Variants in ZBTB20 observed in about 807,000 individuals in gnomAD.
ZBTB20 encodes the protein zinc finger and BTB domain-containing protein 20.
A neutral mutation model predicts 56.9 loss-of-function variants in ZBTB20; 9 were observed. The observed-to-expected ratio is 0.16, with a 90% CI of 0.10 to 0.28. The LOEUF is 0.28. Among genes scored for constraint, ZBTB20 ranks in the 10% least tolerant of loss-of-function variants. The probability of loss-of-function intolerance (pLI) is 1.00; values close to 1 mark genes in which losing one functional copy is unlikely to be tolerated. For synonymous variants in ZBTB20, 417 were observed against 420.7 expected (o/e 0.99, Z 0.11); for missense variants, 655 against 1,003.0 (o/e 0.65, Z 4.69).
rs140325524 is a variant in ZBTB20, at chr3:114,701,626, G to C, written c.-342-8051C>G. ...GTTAAAGAGCTGTTAGCTAACCTGC[G>C]TAAGGAAACAGAGCTAATTTAAAAA... On this transcript the variant is annotated intron_variant, in intron 5 of 11. Coordinates refer to ENST00000675478, the MANE Select transcript of ZBTB20 (RefSeq NM_001348800.3). 5.3e-5 allele frequency among the ~76,000 whole-genome samples: 8 copies of C among 152,238 alleles called. 1 individual carries two copies. The South Asian group carries it at 1.7e-3, about 32-fold the overall frequency.
At chr3:115,129,442 T>C (rs1338679914) in intron 1 of ZBTB20, among the ~76,000 whole-genome samples, 1 of 152,220 alleles carries the variant, frequency 6.6e-6, no homozygotes, top group Admixed American at 6.5e-5. Context: ...TAGACTTTTA[T>C]AGTGGTGTTA....
chr3:114,544,471 TTCTTTC>T (rs1177153985), intron 6 of ZBTB20, among the ~76,000 whole-genome samples: 1 of 122,546 alleles, frequency 8.2e-6, no homozygotes, highest in Non-Finnish European at 1.8e-5. Flanking sequence ...CTTTCTTTCT[TTCTTTC>T]TTTTTCTTTC....
At chr3:114,456,770 A>T (rs1012574653) in intron 7 of ZBTB20, among the ~76,000 whole-genome samples, 6 of 152,224 alleles carry the variant, frequency 3.9e-5, no homozygotes, top group Non-Finnish European at 8.8e-5. Flanking sequence ...GAACAGTGCC[A>T]TCAGATGTTA....
rs1041573032 is a variant in ZBTB20, at chr3:114,898,206, T to G, written c.-417+2098A>C. ...GGGAGGGAGAAGCATAAGCCAGTGC[T>G]CAGGAAAGACGAGGCATTAACCATA... On this transcript the variant is annotated intron_variant, in intron 4 of 11. Coordinates refer to ENST00000675478, the MANE Select transcript of ZBTB20 (RefSeq NM_001348800.3). Among the ~76,000 whole-genome samples the G allele has an allele frequency of 2.0e-5, 3 of 152,234 alleles. No individual in the cohort carries two copies. In the East Asian group the frequency reaches 5.8e-4, roughly 29 times the overall value.
At chr3:115,117,506 A>G (rs1018248567) in intron 1 of ZBTB20, among the ~76,000 whole-genome samples, 1 of 152,142 alleles carries the variant, frequency 6.6e-6, no homozygotes, top group African/African-American at 2.4e-5. Flanking sequence ...TCTGAAATCA[A>G]GTTTGCCTAG....
intron 2 of ZBTB20, among the ~76,000 whole-genome samples, chr3:115,015,247 G>T (rs2079899423): frequency 1.3e-5 from 2 of 151,744 alleles, no homozygotes; most frequent in Non-Finnish European, 2.9e-5. Flanking sequence ...CACAAATAAA[G>T]AAACATATTG....
chr3:114,428,105 T>C (rs970274109), intron 7 of ZBTB20, among the ~76,000 whole-genome samples: 1 of 152,170 alleles, frequency 6.6e-6, no homozygotes, highest in Non-Finnish European at 1.5e-5. Flanking sequence ...AGGGCACAAT[T>C]TGGGGCCTTT....
At chr3:115,099,629 AT>A (rs1211733572) in intron 1 of ZBTB20, among the ~76,000 whole-genome samples, 2 of 152,202 alleles carry the variant, frequency 1.3e-5, no homozygotes, top group Admixed American at 6.5e-5. Flanking sequence ...GGCAAAAAGT[AT>A]TCAACCTGCT....
intron 1 of ZBTB20, among the ~76,000 whole-genome samples, chr3:115,142,903 C>T (rs1007346518): frequency 2.0e-5 from 3 of 151,942 alleles, no homozygotes; most frequent in Non-Finnish European, 4.4e-5. Context: ...CCCTCCACGG[C>T]ACAGGATGGG....
intron 1 of ZBTB20, among the ~76,000 whole-genome samples, chr3:115,133,263 A>G (rs1033335273): frequency 1.3e-5 from 2 of 152,180 alleles, no homozygotes; most frequent in African/African-American, 2.4e-5. Flanking sequence ...CAAGGGTTTT[A>G]AATTTGTCAC....
intron 6 of ZBTB20, among the ~76,000 whole-genome samples, chr3:114,669,603 G>T (rs2061249522): frequency 6.6e-6 from 1 of 151,208 alleles, no homozygotes; most frequent in Non-Finnish European, 1.5e-5. Context: ...TTCTGAAATG[G>T]TTTATAAAAG....
At chr3:114,809,458 C>A (rs1276674761) in intron 4 of ZBTB20, among the ~76,000 whole-genome samples, 1 of 151,978 alleles carries the variant, frequency 6.6e-6, no homozygotes, top group Non-Finnish European at 1.5e-5. Flanking sequence ...TGTTGAGATT[C>A]TCTTGCAATT....
chr3:114,663,304 G>A (rs1472571023), intron 6 of ZBTB20, among the ~76,000 whole-genome samples: 2 of 151,202 alleles, frequency 1.3e-5, no homozygotes, highest in Admixed American at 6.6e-5. Context: ...CATAAGTGAA[G>A]GAGAAATAAA....
chr3:114,381,598 T>C (rs1432174519), intron 8 of ZBTB20, among the ~76,000 whole-genome samples: 3 of 152,242 alleles, frequency 2.0e-5, no homozygotes, highest in Admixed American at 1.3e-4. Flanking sequence ...TAGAAGACTA[T>C]GTGTGGTACA....
chr3:114,934,018 G>A (rs965576469), intron 3 of ZBTB20, among the ~76,000 whole-genome samples: 2 of 152,074 alleles, frequency 1.3e-5, no homozygotes, highest in African/African-American at 4.8e-5. Context: ...AAGGGTCAAG[G>A]TAAATGCAGC....
rs1326245713 is a variant in ZBTB20 at position 114,878,393 on chromosome 3, G to T, written c.-417+21911C>A. On this transcript the variant is annotated intron_variant, in intron 4 of 11. Coordinates refer to ENST00000675478, the MANE Select transcript of ZBTB20 (RefSeq NM_001348800.3). ...CTTTGGGTCTTTATCATATGAACCA[G>T]CTCTTCAAAAAGAAATGGTTTTCAG... 2.0e-5 allele frequency among the ~76,000 whole-genome samples: 3 copies of T among 152,182 alleles called. No homozygotes were observed. In the East Asian group the frequency reaches 5.8e-4, roughly 29 times the overall value.
At chr3:114,486,401 G>C (rs1285807307) in intron 7 of ZBTB20, among the ~76,000 whole-genome samples, 1 of 152,108 alleles carries the variant, frequency 6.6e-6, no homozygotes, top group African/African-American at 2.4e-5. Flanking sequence ...CCTGTCAACA[G>C]ATAGTGCATG....
At chr3:115,130,468 T>C (rs2084471883) in intron 1 of ZBTB20, among the ~76,000 whole-genome samples, 2 of 152,146 alleles carry the variant, frequency 1.3e-5, no homozygotes. Context: ...ACGCTCTAAG[T>C]TTTATCAAGG....
At chr3:114,344,149 G>A (rs2080008781) in intron 11 of ZBTB20, among the ~76,000 whole-genome samples, 1 of 152,192 alleles carries the variant, frequency 6.6e-6, no homozygotes, top group Non-Finnish European at 1.5e-5. Context: ...TGCCAGCTTG[G>A]ACTGTGAGGC....
Sources: allele counts gnomAD v4.1 joint callset (sites outside exome capture counted in the v4.1 genomes callset), GRCh38; gene constraint gnomAD v4.1.1; transcripts MANE v1.5; gene names NCBI Gene and HGNC (gene_info 2026-07-23, HGNC 2026-07-21).